Variants in SEMA3E observed in about 807,000 individuals in gnomAD.
The protein encoded by SEMA3E is semaphorin 3E.
SEMA3E carries 49 observed loss-of-function variants against 93.6 expected under a neutral mutation model. The ratio of observed to expected loss-of-function variants is 0.52; its 90% CI spans 0.42 to 0.66. The LOEUF (loss-of-function observed/expected upper bound fraction) is 0.66. SEMA3E is among the 30% of genes least tolerant of loss of function. SEMA3E has a pLI of 0.00. For synonymous variants in SEMA3E, 363 were observed against 330.7 expected (o/e 1.10, Z -1.06); for missense variants, 906 against 964.8 (o/e 0.94, Z 0.81).
chr7:83,385,496 A>T (rs975095677), intron 15 of SEMA3E, 63 bp from the exon 16 acceptor site: 12 of 1,517,622 alleles, frequency 7.9e-6, no homozygotes, highest in Non-Finnish European at 1.0e-5. Context: ...AAATTTTTCA[A>T]ACATTATTTA....
chr7:83,448,110 CT>C (rs1214201705), intron 4 of SEMA3E, among the ~76,000 whole-genome samples: 1 of 152,138 alleles, frequency 6.6e-6, no homozygotes, highest in Non-Finnish European at 1.5e-5. Flanking sequence ...CAAAATTCAT[CT>C]TGCCAGTCCG....
intron 2 of SEMA3E, among the ~76,000 whole-genome samples, chr7:83,481,951 G>GC (rs1790153605): frequency 1.3e-5 from 2 of 152,234 alleles, no homozygotes; most frequent in South Asian, 4.1e-4. Flanking sequence ...TAATACCCCA[G>GC]CATTTCACAA....
chr7:83,367,372 T>A lies in SEMA3E; in HGVS notation c.*214A>T, dbSNP rs1794684392. 1.4e-5 allele frequency: 8 copies of A among 555,578 alleles called. No homozygotes were observed. The highest frequency in any genetic ancestry group is 2.5e-5 in the Non-Finnish European group (8 of 314,258). The allele number at this position is 555,578 out of a possible 1,614,324, so 34.4% of individuals were successfully genotyped here. On this transcript the variant is annotated 3_prime_UTR_variant, in exon 17 of 17. Coordinates refer to ENST00000643230, the MANE Select transcript of SEMA3E (RefSeq NM_012431.3). The stretch of plus-strand genomic sequence containing the variant: ...TTTGATAAACATAATGAGAAACCAT[T>A]AAGCAATGCATTTATTTAAAAAATT...
intron 1 of SEMA3E, among the ~76,000 whole-genome samples, chr7:83,532,439 GCACAT>G (rs1791320880): frequency 6.6e-6 from 1 of 152,144 alleles, no homozygotes; most frequent in South Asian, 2.1e-4. Context: ...GTAGTGACTG[GCACAT>G]CACAGGAATT....
At chr7:83,414,336 ATTAT>A (rs1359386450) in intron 5 of SEMA3E, among the ~76,000 whole-genome samples, 7 of 140,734 alleles carry the variant, frequency 5.0e-5, no homozygotes, top group Non-Finnish European at 6.2e-5. Flanking sequence ...AAAATAAACA[ATTAT>A]TTATTTAAAA....
intron 1 of SEMA3E, among the ~76,000 whole-genome samples, chr7:83,578,293 GATAGAA>G (rs1484292100): frequency 6.6e-6 from 1 of 152,044 alleles, no homozygotes; most frequent in African/African-American, 2.4e-5. Context: ...GTTAATAAAA[GATAGAA>G]TCCTCCCAGC....
At chr7:83,641,471 C>A in intron 1 of SEMA3E, 2 of 711,434 alleles carry the variant, frequency 2.8e-6, no homozygotes, top group Non-Finnish European at 3.4e-6. Context: ...AATATTAGTT[C>A]TATTGTGCGT....
intron 2 of SEMA3E, among the ~76,000 whole-genome samples, chr7:83,479,969 GA>G (rs1225871556): frequency 6.6e-6 from 1 of 152,042 alleles, no homozygotes; most frequent in African/African-American, 2.4e-5. Context: ...TAAATATGAT[GA>G]ATATGAATAA....
At chr7:83,575,445 T>C (rs1484556003) in intron 1 of SEMA3E, among the ~76,000 whole-genome samples, 1 of 152,140 alleles carries the variant, frequency 6.6e-6, no homozygotes, top group Non-Finnish European at 1.5e-5. Flanking sequence ...TTACATGTTA[T>C]TGGATATACT....
chr7:83,377,801 T>G (rs909933797), intron 16 of SEMA3E, among the ~76,000 whole-genome samples: 3 of 152,006 alleles, frequency 2.0e-5, no homozygotes, highest in Non-Finnish European at 4.4e-5. Context: ...CATATTTAAA[T>G]TTTTCCTCAT....
Position 83,368,133 on chromosome 7 carries a change from T to G in SEMA3E, c.1876-95A>C, listed in dbSNP as rs564766558. The G allele has an allele frequency of 6.4e-4, 711 of 1,105,492 alleles. 2 individuals carry two copies. The African/African-American group carries it at 9.2e-3, about 14-fold the overall frequency. 68.5% of individuals were successfully genotyped at this position (1,105,492 alleles called of 1,614,324 possible). On this transcript the variant is annotated intron_variant, in intron 16 of 16. Coordinates refer to ENST00000643230, the MANE Select transcript of SEMA3E (RefSeq NM_012431.3). ...ACTACCTATCTTGAATTTTTTCATT[T>G]TCACTGTCACATAATGAAACCCTGA...
At chr7:83,525,681 T>C (rs1006610879) in intron 1 of SEMA3E, among the ~76,000 whole-genome samples, 2 of 152,038 alleles carry the variant, frequency 1.3e-5, no homozygotes, top group Non-Finnish European at 2.9e-5. Flanking sequence ...AGCAATTTGA[T>C]CTTGTTTCAT....
chr7:83,381,147 GT>G (rs1787769724), intron 16 of SEMA3E, among the ~76,000 whole-genome samples: 1 of 151,932 alleles, frequency 6.6e-6, no homozygotes, highest in South Asian at 2.1e-4. Context: ...TGTTAATGAT[GT>G]CACAGCTCTG....
At chr7:83,383,152 G>C (rs1310758544) in intron 16 of SEMA3E, among the ~76,000 whole-genome samples, 1 of 151,680 alleles carries the variant, frequency 6.6e-6, no homozygotes, top group Non-Finnish European at 1.5e-5. Flanking sequence ...ACTCTATAAA[G>C]CACTTACCCA....
At chr7:83,583,877 C>T (rs1385199514) in intron 1 of SEMA3E, among the ~76,000 whole-genome samples, 1 of 152,062 alleles carries the variant, frequency 6.6e-6, no homozygotes, top group African/African-American at 2.4e-5. Flanking sequence ...CGACCTGTGA[C>T]TAGGAGGAGT....
At chr7:83,529,867 C>T (rs1488572970) in intron 1 of SEMA3E, among the ~76,000 whole-genome samples, 1 of 152,146 alleles carries the variant, frequency 6.6e-6, no homozygotes, top group African/African-American at 2.4e-5. Flanking sequence ...TCCTTCTCTC[C>T]CCTTCCCAAA....
At chr7:83,607,050 C>A (rs1793139810) in intron 1 of SEMA3E, among the ~76,000 whole-genome samples, 1 of 152,160 alleles carries the variant, frequency 6.6e-6, no homozygotes, top group African/African-American at 2.4e-5. Context: ...TGTACCAACA[C>A]TTCCTGTTTG....
At chr7:83,390,759 G>A (rs62458479) in intron 14 of SEMA3E, among the ~76,000 whole-genome samples, 18,511 of 152,094 alleles carry the variant, frequency 0.12, 1,240 homozygotes, top group Non-Finnish European at 0.15. Context: ...ATTCATTTAC[G>A]AGCACGGCTT....
At chr7:83,474,225 A>G (rs1584273339) in intron 2 of SEMA3E, among the ~76,000 whole-genome samples, 1 of 152,080 alleles carries the variant, frequency 6.6e-6, no homozygotes. Context: ...TAACTTATAC[A>G]TTATGTAGCC....
Sources: allele counts gnomAD v4.1 joint callset (sites outside exome capture counted in the v4.1 genomes callset), GRCh38; gene constraint gnomAD v4.1.1; transcripts MANE v1.5; gene names NCBI Gene and HGNC (gene_info 2026-07-23, HGNC 2026-07-21).